Variants in PTPRS observed in about 807,000 individuals in gnomAD.
PTPRS encodes receptor-type tyrosine-protein phosphatase S.
PTPRS carries 63 observed loss-of-function variants against 215.3 expected under a neutral mutation model. That is an observed-to-expected ratio of 0.29 (90% CI 0.24 to 0.36). PTPRS has a LOEUF of 0.36. PTPRS is among the 10% of genes least tolerant of loss of function. The pLI is 1.00. For synonymous variants in PTPRS, 1,404 were observed against 1,191.4 expected (o/e 1.18, Z -3.68); for missense variants, 2,258 against 2,825.8 (o/e 0.80, Z 4.56).
At position 5,257,582 on chromosome 19, in the gene PTPRS, G is replaced by A; in HGVS notation, c.706+435C>T. The stretch of plus-strand genomic sequence containing the variant: ...AAGCGGGGAGCTACGAGGCCACAAA[G>A]TTGGGAGAAGCAAAGCCAGCACACA... On this transcript the variant is annotated intron_variant, in intron 8 of 37. Coordinates refer to ENST00000262963, the MANE Select transcript of PTPRS (RefSeq NM_002850.4). This position sits in a 1 kb window ranked among gnomAD's most constrained non-coding sequence, Gnocchi z 4.4. The A allele has an allele frequency of 2.4e-6, 1 of 420,724 alleles. No homozygotes were observed. The highest frequency in any genetic ancestry group is 4.8e-6 in the Non-Finnish European group (1 of 209,482). The allele number at this position is 420,724 out of a possible 1,614,324, so 26.1% of individuals were successfully genotyped here.
chr19:5,218,328 G>C lies in PTPRS; in HGVS notation c.4048+92C>G, dbSNP rs568365391. On this transcript the variant is annotated intron_variant, in intron 25 of 37. Coordinates refer to ENST00000262963, the MANE Select transcript of PTPRS (RefSeq NM_002850.4). ...CTGCACCAAGCATAGTTCAGAGGGGGCCAATGAGGGGCCCCCAGGGTGGCA... is the reference window on the plus strand; with the variant it reads ...CTGCACCAAGCATAGTTCAGAGGGGCCCAATGAGGGGCCCCCAGGGTGGCA... 34 of 1,024,958 alleles carry C rather than the reference G, an allele frequency of 3.3e-5. No homozygotes were observed. In the African/African-American group the frequency reaches 4.9e-4, roughly 15 times the overall value. 63.5% of individuals were successfully genotyped at this position (1,024,958 alleles called of 1,614,324 possible).
rs563485911 is a variant in PTPRS, at chr19:5,206,571, G to T, written c.*203C>A. ...TGCCAAGTATTTGAAGGCGGCGGCC[G>T]GTGCCAGGGAGGTCGCTGGGGCGGC... On this transcript the variant is annotated 3_prime_UTR_variant, in exon 38 of 38. Coordinates refer to ENST00000262963, the MANE Select transcript of PTPRS (RefSeq NM_002850.4). 3.3e-5 allele frequency: 17 copies of T among 511,596 alleles called. No homozygotes were observed. In the African/African-American group the frequency reaches 3.4e-4, roughly 10 times the overall value. The allele number at this position is 511,596 out of a possible 1,614,324, so 31.7% of individuals were successfully genotyped here.
At chr19:5,267,384 T>C (rs1233730651) in intron 4 of PTPRS, among the ~76,000 whole-genome samples, 1 of 151,858 alleles carries the variant, frequency 6.6e-6, no homozygotes, top group Non-Finnish European at 1.5e-5. Flanking sequence ...GGGCCGGCCG[T>C]GGGGGCTCAC....
At chr19:5,211,462 G>A (rs981410187) in intron 33 of PTPRS, 128 bp downstream of exon 33, 3 of 895,100 alleles carry the variant, frequency 3.4e-6, no homozygotes, top group East Asian at 2.7e-5. Context: ...TACATCTAAA[G>A]ATGTGTATTT....
chr19:5,299,318 C>T (rs531579237), intron 1 of PTPRS, among the ~76,000 whole-genome samples: 9 of 152,386 alleles, frequency 5.9e-5, no homozygotes, highest in South Asian at 2.1e-4. Flanking sequence ...TGGGCCTCCT[C>T]GCTGTTCCTC....
Position 5,237,354 on chromosome 19 carries a change from C to T in PTPRS, c.1849+1565G>A, listed in dbSNP as rs2043548994. On this transcript the variant is annotated intron_variant, in intron 13 of 37. Coordinates refer to ENST00000262963, the MANE Select transcript of PTPRS (RefSeq NM_002850.4). The surrounding 1 kb of genome is among the most constrained non-coding windows in gnomAD (Gnocchi z 4.2). ...GTCGGTTCTCCTGGGCCCCACCCGT[C>T]TCGGGGCAAGAAGCGGGGAGTCCCT... Among the ~76,000 whole-genome samples the T allele has an allele frequency of 6.6e-6, 1 of 152,230 alleles. No individual in the cohort carries two copies. The highest frequency in any genetic ancestry group is 1.5e-5 in the Non-Finnish European group (1 of 68,036).
At chr19:5,246,955 G>A (rs2146011926) in intron 9 of PTPRS, among the ~76,000 whole-genome samples, 1 of 152,106 alleles carries the variant, frequency 6.6e-6, no homozygotes, top group South Asian at 2.1e-4. Flanking sequence ...GAACTGCAGG[G>A]GGAAGATCTG....
chr19:5,214,836 A>G, intron 28 of PTPRS, 100 bp from the exon 29 acceptor site: 1 of 1,242,604 alleles, frequency 8.0e-7, no homozygotes. Flanking sequence ...GACCGCTCCC[A>G]GATTGTCCCC....
rs1049159644 is a variant in PTPRS, at chr19:5,257,370, G to A, written c.706+647C>T. ...TGCCCCAGCTCGGTGCAACTACCGA[G>A]CCCCCCGGGTGCCTGTGCCCGCTGT... On this transcript the variant is annotated intron_variant, in intron 8 of 37. Transcript: ENST00000262963. The surrounding 1 kb of genome is among the most constrained non-coding windows in gnomAD (Gnocchi z 4.4). 12 of 453,174 alleles carry A rather than the reference G, an allele frequency of 2.6e-5. No individual in the cohort carries two copies. Among genetic ancestry groups the A allele is most frequent in the Admixed American group, 2.4e-4 (10 of 42,202 alleles). The allele number at this position is 453,174 out of a possible 1,614,324, so 28.1% of individuals were successfully genotyped here. A position where few individuals can be genotyped will look rare whatever the true frequency, so the allele number is the denominator to read the frequency against.
In PTPRS at chr19:5,225,734, C is replaced by G; in HGVS notation, c.2487G>C (p.Lys829Asn). 6.2e-7 allele frequency: 1 copy of G among 1,613,966 alleles called. No homozygotes were observed. The highest frequency in any genetic ancestry group is 1.3e-5 in the African/African-American group (1 of 75,048). The change falls in exon 17 of 38, where the codon AAG becomes AAC. Residue 829 changes from lysine to asparagine, a missense_variant. This residue lies in a region of PTPRS where 371 missense variants were observed against 446.7 expected (regional missense o/e 0.83). Coordinates refer to ENST00000262963, the MANE Select transcript of PTPRS (RefSeq NM_002850.4). ...GGAGGGCGGGTTGCATACCTGCTCC[C>G]TTGGTCACAACCACCTTGGGTTTGC... ...ARSKPKVVVT[K>N]GAVLGRPTLS...
At position 5,287,940 on chromosome 19, in the gene PTPRS, C is replaced by T. The variant is rs1372351705; in HGVS notation, c.-94-1706G>A. ...CAAGAGACACAGAAACAAATGCATT[C>T]ACACAGTCAGGCAGCAGAGACGGGC... On this transcript the variant is annotated intron_variant, in intron 1 of 37. Coordinates refer to ENST00000262963, the MANE Select transcript of PTPRS (RefSeq NM_002850.4). This position sits in a 1 kb window ranked among gnomAD's most constrained non-coding sequence, Gnocchi z 4.8. 2.7e-5 allele frequency among the ~76,000 whole-genome samples: 4 copies of T among 150,014 alleles called. No individual in the cohort carries two copies. The highest frequency in any genetic ancestry group is 4.4e-5 in the Non-Finnish European group (3 of 67,682).
chr19:5,302,901 CAAA>C (rs61244607), intron 1 of PTPRS, among the ~76,000 whole-genome samples: 7 of 112,568 alleles, frequency 6.2e-5, no homozygotes, highest in East Asian at 5.8e-4. Context: ...ACTAAAAATA[CAAA>C]AAAAAAAAAA....
chr19:5,218,830 G>A (rs1334338477), intron 23 of PTPRS, 32 bp from the exon 24 acceptor site: 2 of 1,576,584 alleles, frequency 1.3e-6, no homozygotes, highest in Non-Finnish European at 1.7e-6. Context: ...GGTGAGAAGG[G>A]GGAAAAAAAG....
chr19:5,231,207 C>T, intron 14 of PTPRS, 103 bp downstream of exon 14: 1 of 1,265,992 alleles, frequency 7.9e-7, no homozygotes, highest in Non-Finnish European at 1.1e-6. Context: ...CCGAGTGAGG[C>T]TTCCGCCCTT....
intron 1 of PTPRS, among the ~76,000 whole-genome samples, chr19:5,322,667 G>A (rs2050057851): frequency 6.6e-6 from 1 of 152,004 alleles, no homozygotes; most frequent in Admixed American, 6.6e-5. Context: ...ATCACCTGAG[G>A]CAGGGAGTTC....
rs779019627 is a variant in PTPRS at position 5,301,087 on chromosome 19, A to C, written c.-94-14853T>G. 8.5e-5 allele frequency among the ~76,000 whole-genome samples: 13 copies of C among 152,324 alleles called. No homozygotes were observed. The Middle Eastern group carries it at 0.01, about 120-fold the overall frequency. The stretch of plus-strand genomic sequence containing the variant: ...CCTGGATCTCCCTGGCTGGCCAGCA[A>C]AGCATCCTCTGGGAGCTCTTGCTCC... On this transcript the variant is annotated intron_variant, in intron 1 of 37. Coordinates refer to ENST00000262963, the MANE Select transcript of PTPRS (RefSeq NM_002850.4).
intron 9 of PTPRS, among the ~76,000 whole-genome samples, chr19:5,250,449 G>A (rs916440741): frequency 1.3e-5 from 2 of 152,144 alleles, no homozygotes; most frequent in African/African-American, 2.4e-5. Flanking sequence ...AGGTGGGCAC[G>A]GTGCCCACGG....
intron 7 of PTPRS, 71 bp from the exon 8 acceptor site, chr19:5,258,198 C>T: frequency 7.8e-7 from 1 of 1,284,410 alleles, no homozygotes. Context: ...AGCTCCCCCA[C>T]CAGAGTGCTC....
At chr19:5,299,881 AAAAT>A (rs1295612945) in intron 1 of PTPRS, among the ~76,000 whole-genome samples, 1 of 152,040 alleles carries the variant, frequency 6.6e-6, no homozygotes, top group Non-Finnish European at 1.5e-5. Flanking sequence ...GAAATAAAAT[AAAAT>A]AAAGGAAAAG....
Sources: allele counts gnomAD v4.1 joint callset (sites outside exome capture counted in the v4.1 genomes callset), GRCh38; gene constraint gnomAD v4.1.1; regional missense constraint gnomAD v4.1.1; non-coding constraint Gnocchi (gnomAD v3.1); transcripts MANE v1.5; gene names NCBI Gene and HGNC (gene_info 2026-07-23, HGNC 2026-07-21).